The following FOXN3 variants were observed in gnomAD, a reference collection of about 807,000 sequenced individuals.
FOXN3 encodes forkhead box N3.
A neutral mutation model predicts 38.4 loss-of-function variants in FOXN3; 7 were observed. The observed-to-expected ratio is 0.18, with a 90% CI of 0.10 to 0.34. The LOEUF is 0.34. FOXN3 is among the 10% of genes least tolerant of loss of function. FOXN3 has a pLI of 1.00. For synonymous variants in FOXN3, 230 were observed against 242.2 expected (o/e 0.95, Z 0.47); for missense variants, 456 against 613.4 (o/e 0.74, Z 2.71).
At chr14:89,260,124 G>C (rs866948070) in intron 4 of FOXN3, among the ~76,000 whole-genome samples, 1 of 152,240 alleles carries the variant, frequency 6.6e-6, no homozygotes, top group Non-Finnish European at 1.5e-5. Flanking sequence ...TAAACAACAC[G>C]TAATGATTTT....
rs1887183692 is a variant in FOXN3, at chr14:89,164,315, G to A, written c.852-1346C>T. Reference sequence around the variant, plus strand: ...TGTGGAAGACAAGGCATCTGACCTTGGACACAAGGGCTGAAGAATTTGGCA... The same window carrying A: ...TGTGGAAGACAAGGCATCTGACCTTAGACACAAGGGCTGAAGAATTTGGCA... On this transcript the variant is annotated intron_variant, in intron 5 of 5. Transcript: ENST00000557258. This position sits in a 1 kb window ranked among gnomAD's most constrained non-coding sequence, Gnocchi z 4.3. 6.6e-6 allele frequency among the ~76,000 whole-genome samples: 1 copy of A among 152,182 alleles called. No homozygotes were observed. Among genetic ancestry groups the A allele is most frequent in the Non-Finnish European group, 1.5e-5 (1 of 68,018 alleles).
chr14:89,243,761 A>G (rs973483009), intron 4 of FOXN3, among the ~76,000 whole-genome samples: 3 of 152,146 alleles, frequency 2.0e-5, no homozygotes, highest in Non-Finnish European at 4.4e-5. Flanking sequence ...TACCTCAACA[A>G]TCCTATTTTC....
In FOXN3 at chr14:89,281,012, G is replaced by C; in HGVS notation, c.683C>G (p.Thr228Arg). The C allele has an allele frequency of 6.2e-7, 1 of 1,613,360 alleles. No individual in the cohort carries two copies. The highest frequency in any genetic ancestry group is 2.2e-5 in the East Asian group (1 of 44,870). The part of the protein sequence containing the change: ...PPTCPQAYQS[T>R]SGPPIWPGST... ...GCCCGGCCAGATGGGTGGACCTGAT[G>C]TGCTGAAAGAGAAAAGAAACTAGCA... The change falls in exon 4 of 6, where the codon ACA (threonine) becomes AGA (arginine). Residue 228 changes from threonine to arginine, a missense_variant and splice_region_variant. Thr to Arg is a moderately conservative substitution (Grantham distance 71). Around this residue, in one of 3 missense-constraint regions of FOXN3, gnomAD observed 386 missense variants for 505.2 expected, o/e 0.76. Coordinates refer to ENST00000557258, the MANE Select transcript of FOXN3 (RefSeq NM_005197.4).
At chr14:89,531,037 T>C (rs1894553346) in intron 1 of FOXN3, among the ~76,000 whole-genome samples, 1 of 147,870 alleles carries the variant, frequency 6.8e-6, no homozygotes, top group Non-Finnish European at 1.5e-5. Context: ...ATATAATATA[T>C]ACACATTTAT....
chr14:89,219,204 C>T (rs1271138673), intron 4 of FOXN3, among the ~76,000 whole-genome samples: 2 of 152,082 alleles, frequency 1.3e-5, no homozygotes, highest in Admixed American at 6.5e-5. Flanking sequence ...GTCCCCATCT[C>T]GTGACAGTGA....
intron 1 of FOXN3, among the ~76,000 whole-genome samples, chr14:89,585,111 T>G (rs1341108215): frequency 6.6e-6 from 1 of 152,220 alleles, no homozygotes; most frequent in Admixed American, 6.5e-5. Context: ...TTCAGTCTAA[T>G]CAAACGCAAT....
chr14:89,343,627 G>GTTTTTT (rs34453491), intron 3 of FOXN3, among the ~76,000 whole-genome samples: 2 of 140,636 alleles, frequency 1.4e-5, no homozygotes. Flanking sequence ...AATGTGTGTG[G>GTTTTTT]TTTTTTTTTT....
intron 4 of FOXN3, among the ~76,000 whole-genome samples, chr14:89,240,002 C>T (rs896841113): frequency 6.6e-6 from 1 of 152,192 alleles, no homozygotes; most frequent in African/African-American, 2.4e-5. Context: ...CTTGTTCATC[C>T]AGCAGTGACT....
chr14:89,439,516 G>A (rs528739162), intron 1 of FOXN3, among the ~76,000 whole-genome samples: 1 of 152,244 alleles, frequency 6.6e-6, no homozygotes, highest in South Asian at 2.1e-4. Context: ...GCAACATCAG[G>A]AAGTTACCCT....
At chr14:89,431,684 T>G (rs1892162456) in intron 1 of FOXN3, among the ~76,000 whole-genome samples, 1 of 152,206 alleles carries the variant, frequency 6.6e-6, no homozygotes, top group Admixed American at 6.5e-5. Context: ...CAGAGATTTC[T>G]CATTATCCAC....
intron 2 of FOXN3, among the ~76,000 whole-genome samples, chr14:89,357,273 CA>C (rs1381069028): frequency 6.6e-6 from 1 of 152,144 alleles, no homozygotes; most frequent in African/African-American, 2.4e-5. Flanking sequence ...CACTGCACCC[CA>C]ACCTGGGCAA....
At chr14:89,417,857 A>C (rs925955726), upstream of FOXN3, 21 of 430,488 alleles carry the variant, frequency 4.9e-5, no homozygotes, top group Non-Finnish European at 9.4e-5. Context: ...GCCGGTGGCC[A>C]TTACAAGACA....
upstream of FOXN3, among the ~76,000 whole-genome samples, chr14:89,420,080 C>T (rs906689418): frequency 2.6e-5 from 4 of 152,202 alleles, no homozygotes; most frequent in Non-Finnish European, 5.9e-5. Context: ...ATATTCCTTT[C>T]GTGCTTCCCT....
chr14:89,322,852 G>C (rs960077009), intron 3 of FOXN3, among the ~76,000 whole-genome samples: 1 of 152,112 alleles, frequency 6.6e-6, no homozygotes, highest in African/African-American at 2.4e-5. Context: ...TGCTACTATG[G>C]GCTGGGGACT....
At chr14:89,411,609 T>C (rs1891547875) in intron 2 of FOXN3, among the ~76,000 whole-genome samples, 1 of 152,198 alleles carries the variant, frequency 6.6e-6, no homozygotes, top group African/African-American at 2.4e-5. Flanking sequence ...AATACTGACC[T>C]TTGTTAAGAC....
At chr14:89,432,660 G>T (rs548727759) in intron 1 of FOXN3, among the ~76,000 whole-genome samples, 2 of 152,030 alleles carry the variant, frequency 1.3e-5, no homozygotes, top group Non-Finnish European at 2.9e-5. Context: ...CTTGACCACT[G>T]CTCTCACCTG....
At chr14:89,435,410 A>G (rs985604581) in intron 1 of FOXN3, among the ~76,000 whole-genome samples, 2 of 149,416 alleles carry the variant, frequency 1.3e-5, no homozygotes, top group Non-Finnish European at 3.0e-5. Context: ...CAATACCCCC[A>G]CAGGCCCTCA....
At chr14:89,258,978 C>T (rs945087948) in intron 4 of FOXN3, among the ~76,000 whole-genome samples, 2 of 152,222 alleles carry the variant, frequency 1.3e-5, no homozygotes, top group South Asian at 2.1e-4. Flanking sequence ...CCAGCTCTGG[C>T]CACTTGCCTA....
At chr14:89,437,904 GT>G (rs1892304094) in intron 1 of FOXN3, among the ~76,000 whole-genome samples, 1 of 152,192 alleles carries the variant, frequency 6.6e-6, no homozygotes, top group Non-Finnish European at 1.5e-5. Context: ...TAATGGCTAA[GT>G]TTATTGAGTG....
Sources: allele counts gnomAD v4.1 joint callset (sites outside exome capture counted in the v4.1 genomes callset), GRCh38; gene constraint gnomAD v4.1.1; regional missense constraint gnomAD v4.1.1; non-coding constraint Gnocchi (gnomAD v3.1); transcripts MANE v1.5; gene names NCBI Gene and HGNC (gene_info 2026-07-23, HGNC 2026-07-21).